The following NINL variants were observed in gnomAD, a reference collection of about 807,000 sequenced individuals.
The protein encoded by NINL is ninein-like protein.
Under a neutral mutation model 160.3 loss-of-function variants are expected in NINL, and 153 were observed. The ratio of observed to expected loss-of-function variants is 0.95; its 90% CI spans 0.84 to 1.09. NINL has a LOEUF of 1.09. Among genes scored for constraint, NINL ranks in the 50% least tolerant of loss-of-function variants. The pLI is 0.00. For synonymous variants in NINL, 800 were observed against 734.8 expected, an observed-to-expected ratio of 1.09 and a Z score of -1.43; for missense variants, 1,829 against 1,764.0, an observed-to-expected ratio of 1.04 and a Z score of -0.66.
At chr20:25,485,534 C>A (rs1464990378) in intron 13 of NINL, among the ~76,000 whole-genome samples, 3 of 152,182 alleles carry the variant, frequency 2.0e-5, no homozygotes, top group Non-Finnish European at 4.4e-5. Flanking sequence ...GATGCTAAAT[C>A]ATGTTGTTTA....
chr20:25,477,954 CTT>C (rs529205813), intron 16 of NINL, among the ~76,000 whole-genome samples: 8 of 138,800 alleles, frequency 5.8e-5, no homozygotes, highest in African/African-American at 5.3e-5. Context: ...ACGAGTCTCA[CTT>C]TTTTTTTTTT....
At chr20:25,484,959 G>C (rs905251524) in intron 13 of NINL, among the ~76,000 whole-genome samples, 3 of 152,212 alleles carry the variant, frequency 2.0e-5, no homozygotes, top group African/African-American at 7.2e-5. Context: ...CCAGCGAGCG[G>C]GGCACAACAT....
chr20:25,575,057 T>C (rs1422305414), intron 1 of NINL, among the ~76,000 whole-genome samples: 1 of 152,162 alleles, frequency 6.6e-6, no homozygotes, highest in Admixed American at 6.5e-5. Flanking sequence ...AGATGAAATA[T>C]AGTAAACTTT....
At chr20:25,550,034 C>T (rs1415834481) in intron 1 of NINL, among the ~76,000 whole-genome samples, 1 of 152,176 alleles carries the variant, frequency 6.6e-6, no homozygotes, top group East Asian at 1.9e-4. Flanking sequence ...ATCTGTGTAT[C>T]AAAAGGAATT....
chr20:25,484,658 C>T (rs1601103537), intron 13 of NINL, among the ~76,000 whole-genome samples: 1 of 152,162 alleles, frequency 6.6e-6, no homozygotes, highest in Admixed American at 6.5e-5. Context: ...ATGGCTAGAT[C>T]TGGACGGACA....
intron 1 of NINL, among the ~76,000 whole-genome samples, chr20:25,558,535 T>C (rs529286039): frequency 1.3e-5 from 2 of 152,360 alleles, no homozygotes; most frequent in South Asian, 2.1e-4. Context: ...TTGGAACTTA[T>C]AATGATTTTT....
intron 1 of NINL, among the ~76,000 whole-genome samples, chr20:25,545,911 G>C (rs2064725809): frequency 6.6e-6 from 1 of 152,090 alleles, no homozygotes; most frequent in Non-Finnish European, 1.5e-5. Flanking sequence ...TCTGAAGCCT[G>C]CTATCTGGAG....
At chr20:25,456,675 A>C (rs1193854345) in intron 22 of NINL, among the ~76,000 whole-genome samples, 1 of 152,222 alleles carries the variant, frequency 6.6e-6, no homozygotes, top group Non-Finnish European at 1.5e-5. Flanking sequence ...TTACACCTGT[A>C]ATCCCAGCAC....
intron 1 of NINL, among the ~76,000 whole-genome samples, chr20:25,562,934 A>G (rs1013035031): frequency 2.0e-5 from 3 of 152,156 alleles, no homozygotes; most frequent in Non-Finnish European, 2.9e-5. Context: ...TTGGGAGGCT[A>G]AGGCGGGCAG....
intron 10 of NINL, among the ~76,000 whole-genome samples, chr20:25,494,143 C>A: frequency 6.7e-6 from 1 of 150,150 alleles, no homozygotes; most frequent in Non-Finnish European, 1.5e-5. Flanking sequence ...ACAGGCCCCA[C>A]ACACACTCAC....
At chr20:25,496,571 C>G (rs2063757394) in intron 10 of NINL, 92 bp downstream of exon 10, 2 of 1,495,976 alleles carry the variant, frequency 1.3e-6, no homozygotes, top group Non-Finnish European at 1.8e-6. Flanking sequence ...ACACCCGCAG[C>G]TCTGGCCCCT....
intron 16 of NINL, chr20:25,478,717 A>G: frequency 1.8e-6 from 1 of 542,494 alleles, no homozygotes; most frequent in Non-Finnish European, 3.2e-6. Context: ...GAACAGCTTC[A>G]TGGCCCATGA....
At chr20:25,503,586 A>G (rs1342109997) in intron 7 of NINL, among the ~76,000 whole-genome samples, 2 of 150,208 alleles carry the variant, frequency 1.3e-5, no homozygotes, top group Non-Finnish European at 3.0e-5. Context: ...TCACCTGAGC[A>G]CTGCCTTCTG....
At chr20:25,568,404 T>C (rs959984407) in intron 1 of NINL, among the ~76,000 whole-genome samples, 2 of 151,780 alleles carry the variant, frequency 1.3e-5, no homozygotes, top group Admixed American at 6.6e-5. Flanking sequence ...AGGACCAATT[T>C]CTTTCTTACT....
At chr20:25,511,750 G>A (rs1482200639) in intron 4 of NINL, among the ~76,000 whole-genome samples, 5 of 152,186 alleles carry the variant, frequency 3.3e-5, no homozygotes, top group East Asian at 1.9e-4. Flanking sequence ...GGAATGTTCT[G>A]GATTTACTGG....
intron 5 of NINL, among the ~76,000 whole-genome samples, chr20:25,506,035 G>C (rs1468806964): frequency 2.0e-5 from 3 of 152,232 alleles, no homozygotes; most frequent in African/African-American, 7.2e-5. Flanking sequence ...AGACCAAGGC[G>C]GGTAGATCAC....
At chr20:25,566,303 C>A (rs1402899465) in intron 1 of NINL, among the ~76,000 whole-genome samples, 1 of 152,144 alleles carries the variant, frequency 6.6e-6, no homozygotes, top group Non-Finnish European at 1.5e-5. Context: ...AGACTAACTG[C>A]CAGGCAGAGA....
At chr20:25,462,308 T>C in intron 20 of NINL, 75 bp downstream of exon 20, 2 of 1,445,952 alleles carry the variant, frequency 1.4e-6, no homozygotes, top group Non-Finnish European at 1.9e-6. Context: ...GCGCGTGTCC[T>C]GACCTATTTG....
chr20:25,489,096 T>C, intron 13 of NINL, 148 bp downstream of exon 13: 1 of 774,576 alleles, frequency 1.3e-6, no homozygotes, highest in South Asian at 1.5e-5. Flanking sequence ...GAACCCTAAG[T>C]CTAGGAGTGT....
Sources: gnomAD v4.1 joint callset for allele counts (sites outside exome capture counted in the v4.1 genomes callset) on GRCh38, gnomAD v4.1.1 for gene constraint, MANE v1.5 for transcripts, NCBI Gene and HGNC (gene_info 2026-07-23, HGNC 2026-07-21) for gene names.